KLHDC2: variants seen among roughly 807,000 people sequenced by gnomAD.
KLHDC2 encodes kelch domain-containing protein 2.
Under a neutral mutation model 62.3 loss-of-function variants are expected in KLHDC2, and 38 were observed. That is an observed-to-expected ratio of 0.61 (90% CI 0.47 to 0.80). The LOEUF (loss-of-function observed/expected upper bound fraction) is 0.80. Ranked by LOEUF, KLHDC2 falls within the 30% of genes least tolerant of loss-of-function variation. The probability of loss-of-function intolerance (pLI) is 0.00; values close to 1 mark genes in which losing one functional copy is unlikely to be tolerated. For synonymous variants in KLHDC2, 159 were observed against 161.0 expected (o/e 0.99, Z 0.09); for missense variants, 430 against 495.3 (o/e 0.87, Z 1.25).
intron 3 of KLHDC2, among the ~76,000 whole-genome samples, chr14:49,775,943 T>C (rs1013114072): frequency 6.6e-6 from 1 of 152,096 alleles, no homozygotes; most frequent in Non-Finnish European, 1.5e-5. Flanking sequence ...GTCTTAATTA[T>C]GGAAATTCCA....
At position 49,782,659 on chromosome 14, in the gene KLHDC2, C is replaced by G. The variant is rs1031344212; in HGVS notation, c.1097+65C>G. ...TGTGTTTCCTAAGACTTAGCACTCT[C>G]GAAAAACTAGGTTTATGGATTATTT... On this transcript the variant is annotated intron_variant, in intron 12 of 12. Coordinates refer to ENST00000298307, the MANE Select transcript of KLHDC2 (RefSeq NM_014315.3). The G allele has an allele frequency of 2.1e-6, 3 of 1,409,248 alleles. No homozygotes were observed. In the East Asian group the frequency reaches 6.9e-5, roughly 33 times the overall value. The allele number at this position is 1,409,248 out of a possible 1,614,324, so 87.3% of individuals were successfully genotyped here. A position where few individuals can be genotyped will look rare whatever the true frequency, so the allele number is the denominator to read the frequency against.
At chr14:49,775,893 C>T (rs1002502481) in intron 3 of KLHDC2, among the ~76,000 whole-genome samples, 1 of 152,112 alleles carries the variant, frequency 6.6e-6, no homozygotes, top group African/African-American at 2.4e-5. Flanking sequence ...TCCCAAAGTG[C>T]TGGGATTACA....
At chr14:49,777,663 TA>T (rs1389254754) in intron 3 of KLHDC2, 175 bp from the exon 4 acceptor site, 57 of 454,240 alleles carry the variant, frequency 1.3e-4, no homozygotes, top group Non-Finnish European at 2.1e-4. Flanking sequence ...AGGAAGTTGG[TA>T]TTCAGTCACA....
chr14:49,781,696 CTT>C (rs1889911639), intron 10 of KLHDC2, among the ~76,000 whole-genome samples: 1 of 148,588 alleles, frequency 6.7e-6, no homozygotes, highest in Non-Finnish European at 1.5e-5. Context: ...GACTCTGTCT[CTT>C]AAAAAAAAAA....
At chr14:49,770,607 T>C (rs901791370) in intron 1 of KLHDC2, among the ~76,000 whole-genome samples, 1 of 152,192 alleles carries the variant, frequency 6.6e-6, no homozygotes, top group Admixed American at 6.5e-5. Context: ...AGGGAAAGGA[T>C]AGAATCCTGG....
chr14:49,782,091 G>A (rs566489039), intron 10 of KLHDC2: 6 of 369,600 alleles, frequency 1.6e-5, no homozygotes, highest in East Asian at 4.4e-5. Context: ...GCTCCCATAC[G>A]ATTTTTATTG....
chr14:49,781,387 G>T (rs201491432), intron 10 of KLHDC2, among the ~76,000 whole-genome samples: 2 of 134,864 alleles, frequency 1.5e-5, no homozygotes, highest in East Asian at 4.4e-4. Flanking sequence ...AAAAAAAAAG[G>T]GGGTAGAGGT....
intron 10 of KLHDC2, among the ~76,000 whole-genome samples, chr14:49,781,582 A>G (rs1349126948): frequency 6.6e-6 from 1 of 151,926 alleles, no homozygotes; most frequent in Non-Finnish European, 1.5e-5. Context: ...TAGAAAAATT[A>G]GCTAGGTGTG....
chr14:49,784,736 T>A lies in KLHDC2; in HGVS notation c.*1783T>A, dbSNP rs1890077439. On this transcript the variant is annotated 3_prime_UTR_variant, in exon 13 of 13. Transcript: ENST00000298307. ...GTCCTAAAAAAAGAAAATTGCTGAA[T>A]ATCTTCACATCCTGTATGGTCAATC... The A allele has an allele frequency of 1.3e-6, 2 of 1,581,086 alleles. No homozygotes were observed. Among genetic ancestry groups the A allele is most frequent in the African/African-American group, 1.3e-5 (1 of 74,380 alleles).
chr14:49,776,133 G>C (rs529966258), intron 3 of KLHDC2, among the ~76,000 whole-genome samples: 5 of 152,258 alleles, frequency 3.3e-5, no homozygotes, highest in African/African-American at 1.2e-4. Flanking sequence ...TTGGGCTTTT[G>C]CTTAGTATTT....
rs1890081186 is a variant in KLHDC2, at chr14:49,784,777, C to CA, written c.*1829dup. 1.3e-6 allele frequency: 2 copies of CA among 1,502,582 alleles called. No homozygotes were observed. The highest frequency in any genetic ancestry group is 1.9e-5 in the Admixed American group (1 of 53,960). The allele number at this position is 1,502,582 out of a possible 1,614,324, so 93.1% of individuals were successfully genotyped here. A position where few individuals can be genotyped will look rare whatever the true frequency, so the allele number is the denominator to read the frequency against. ...ATGGTCAATCATGTTTCTTTTATGA[C>CA]AAAAACGAAAAACATTTCCAAACTT... On this transcript the variant is annotated 3_prime_UTR_variant, in exon 13 of 13. Transcript: ENST00000298307.
In KLHDC2 at chr14:49,779,807, G is replaced by A. The variant is rs1235306365; in HGVS notation, c.773+1G>A. ...TGGATACATGGGAGTGGAATGAATT[G>A]TAGGTATCACTTTAGATACATTTTT... On this transcript the variant is annotated splice_donor_variant, in intron 8 of 12. Coordinates refer to ENST00000298307, the MANE Select transcript of KLHDC2 (RefSeq NM_014315.3). LOFTEE classifies it high-confidence loss of function. 6.2e-7 allele frequency: 1 copy of A among 1,601,622 alleles called. No homozygotes were observed. Among genetic ancestry groups the A allele is most frequent in the Non-Finnish European group, 8.5e-7 (1 of 1,170,304 alleles).
At chr14:49,778,758 C>G (rs1234758396) in intron 6 of KLHDC2, among the ~76,000 whole-genome samples, 3 of 151,082 alleles carry the variant, frequency 2.0e-5, no homozygotes, top group Admixed American at 6.6e-5. Flanking sequence ...GAGTCTCGCA[C>G]TGTTGCCTGG....
chr14:49,769,933 A>T (rs189482253), intron 1 of KLHDC2, among the ~76,000 whole-genome samples: 75 of 138,862 alleles, frequency 5.4e-4, no homozygotes, highest in Non-Finnish European at 2.9e-4. Context: ...CAAGAAGGAA[A>T]CTGTCTCAAA....
chr14:49,771,699 C>G, intron 2 of KLHDC2, 26 bp downstream of exon 2: 1 of 1,203,148 alleles, frequency 8.3e-7, no homozygotes, highest in Non-Finnish European at 1.2e-6. Context: ...ATAAGGGGGA[C>G]TAAAAAATTC....
intron 9 of KLHDC2, 144 bp from the exon 10 acceptor site, chr14:49,780,559 G>T: frequency 1.5e-6 from 1 of 683,300 alleles, no homozygotes; most frequent in Middle Eastern, 2.9e-4. Context: ...GGGCTTACTT[G>T]GCTAATTGCA....
Position 49,782,820 on chromosome 14 carries a change from C to T in KLHDC2, c.1098-10C>T, listed in dbSNP as rs146260268. The stretch of plus-strand genomic sequence containing the variant: ...TGAAATTACTTTTCTCTTTCCTTGT[C>T]CACTTTCAGGCTAAGCTTAGAAGCA... On this transcript the variant is annotated splice_polypyrimidine_tract_variant and intron_variant, in intron 12 of 12. Coordinates refer to ENST00000298307, the MANE Select transcript of KLHDC2 (RefSeq NM_014315.3). The T allele has an allele frequency of 3.2e-4, 520 of 1,609,148 alleles. No homozygotes were observed. Among genetic ancestry groups the T allele is most frequent in the Non-Finnish European group, 4.1e-4 (480 of 1,178,522 alleles).
intron 1 of KLHDC2, among the ~76,000 whole-genome samples, chr14:49,770,398 T>C (rs1324299665): frequency 6.6e-6 from 1 of 152,230 alleles, no homozygotes; most frequent in African/African-American, 2.4e-5. Flanking sequence ...GCTTCCAGCC[T>C]TTCCCTTCAT....
At chr14:49,769,341 C>G (rs1353588175) in intron 1 of KLHDC2, among the ~76,000 whole-genome samples, 2 of 152,182 alleles carry the variant, frequency 1.3e-5, no homozygotes, top group South Asian at 4.1e-4. Context: ...ATTCTTTACC[C>G]TGCTAACCTC....
Sources: allele counts gnomAD v4.1 joint callset (sites outside exome capture counted in the v4.1 genomes callset), GRCh38; gene constraint gnomAD v4.1.1; transcripts MANE v1.5; gene names NCBI Gene and HGNC (gene_info 2026-07-23, HGNC 2026-07-21).